PCDHA4: variants seen among roughly 807,000 people sequenced by gnomAD.
The protein encoded by PCDHA4 is protocadherin alpha 4.
Under a neutral mutation model 61.4 loss-of-function variants are expected in PCDHA4, and 49 were observed. That is an observed-to-expected ratio of 0.80 (90% CI 0.63 to 1.01). PCDHA4 has a LOEUF of 1.01. PCDHA4 is among the 50% of genes least tolerant of loss of function. The pLI, the probability that PCDHA4 is intolerant of heterozygous loss-of-function variation, is 0.00. For missense variants in PCDHA4, 1,254 were observed against 1,235.8 expected (o/e 1.01, Z -0.22); for synonymous variants, 590 against 550.3 (o/e 1.07, Z -1.01).
chr5:140,851,517 A>C (rs1290684198), intron 1 of PCDHA4: 5 of 904,746 alleles, frequency 5.5e-6, no homozygotes, highest in Non-Finnish European at 4.0e-6. Flanking sequence ...AATATGTTTT[A>C]AAATGCCTGA....
chr5:141,006,338 A>G (rs1201287903), intron 3 of PCDHA4, among the ~76,000 whole-genome samples: 13 of 151,820 alleles, frequency 8.6e-5, no homozygotes, highest in African/African-American at 3.1e-4. Flanking sequence ...CAGCCTCCTG[A>G]GTAGCTGGGA....
At position 140,886,151 on chromosome 5, in the gene PCDHA4, T is replaced by G. The variant is rs184205776; in HGVS notation, c.2385+76579T>G. Reference sequence around the variant, plus strand: ...ACAACCAGATTCTTGATATCACCTTTTTATAGCCACATCTGCTTCCCTGCC... The same window carrying G: ...ACAACCAGATTCTTGATATCACCTTGTTATAGCCACATCTGCTTCCCTGCC... On this transcript the variant is annotated intron_variant, in intron 1 of 3. Coordinates refer to ENST00000530339, the MANE Select transcript of PCDHA4 (RefSeq NM_018907.4). Among the ~76,000 whole-genome samples, 468 of 152,312 alleles carry G rather than the reference T, an allele frequency of 3.1e-3. 3 individuals are homozygous for G. Among genetic ancestry groups the G allele is most frequent in the Middle Eastern group, 0.014 (4 of 294 alleles).
intron 1 of PCDHA4, among the ~76,000 whole-genome samples, chr5:140,964,203 C>T (rs2095816993): frequency 6.6e-6 from 1 of 152,212 alleles, no homozygotes; most frequent in African/African-American, 2.4e-5. Context: ...TATACCATCT[C>T]TTTAGTACAA....
chr5:140,942,266 T>A (rs2093257794), intron 1 of PCDHA4, among the ~76,000 whole-genome samples: 1 of 152,134 alleles, frequency 6.6e-6, no homozygotes, highest in South Asian at 2.1e-4. Flanking sequence ...TATCTAAAGC[T>A]GGTAATGGTG....
chr5:140,823,827 C>T (rs1554129619), intron 1 of PCDHA4: 4 of 1,613,688 alleles, frequency 2.5e-6, no homozygotes, highest in Non-Finnish European at 2.5e-6. Context: ...CGTCGGCGGG[C>T]GCTGTGGGTC....
At chr5:140,822,156 C>T (rs1767212129) in intron 1 of PCDHA4, 1 of 1,614,134 alleles carries the variant, frequency 6.2e-7, no homozygotes, top group African/African-American at 1.3e-5. Context: ...ACATCAATGA[C>T]AATCCGCCCA....
intron 3 of PCDHA4, among the ~76,000 whole-genome samples, chr5:140,986,392 C>T (rs1331552974): frequency 1.3e-5 from 2 of 152,162 alleles, no homozygotes; most frequent in South Asian, 2.1e-4. Context: ...CATTAAAGGG[C>T]CAGTCGCTCA....
intron 1 of PCDHA4, chr5:140,870,984 G>T (rs1554164960): frequency 3.7e-6 from 6 of 1,613,520 alleles, no homozygotes; most frequent in Non-Finnish European, 8.5e-7. Context: ...GGCTGTACAC[G>T]GGCGAGATAA....
intron 1 of PCDHA4, chr5:140,863,472 T>C: frequency 2.0e-6 from 1 of 490,440 alleles, no homozygotes; most frequent in Non-Finnish European, 4.0e-6. Context: ...CTCTGGAGAG[T>C]CGCCTCCCAA....
chr5:140,894,941 C>T (rs2064738715), intron 1 of PCDHA4, among the ~76,000 whole-genome samples: 1 of 152,272 alleles, frequency 6.6e-6, no homozygotes, highest in East Asian at 1.9e-4. Context: ...CAGCTATTGT[C>T]ATGAAATGAT....
At position 140,858,521 on chromosome 5, in the gene PCDHA4, A is replaced by T. The variant is rs782589492; in HGVS notation, c.2385+48949A>T. 6.3e-6 allele frequency: 9 copies of T among 1,420,880 alleles called. 2 individuals are homozygous for T. The African/African-American group carries it at 1.3e-4, about 20-fold the overall frequency. 88.0% of individuals were successfully genotyped at this position (1,420,880 alleles called of 1,614,324 possible). ...CATTTTCTCAAATATGTATCAGAAT[A>T]TTTCATTTTTGTCTACATTCCATTT... On this transcript the variant is annotated intron_variant, in intron 1 of 3. Transcript: ENST00000530339.
intron 1 of PCDHA4, chr5:140,857,554 G>A (rs782355772): frequency 1.3e-6 from 2 of 1,596,880 alleles, no homozygotes; most frequent in East Asian, 4.5e-5. Flanking sequence ...GCGAGCGCTC[G>A]CTGTCGAGCT....
intron 1 of PCDHA4, among the ~76,000 whole-genome samples, chr5:140,880,055 C>G (rs1024788960): frequency 1.3e-5 from 2 of 152,146 alleles, no homozygotes; most frequent in Admixed American, 6.5e-5. Flanking sequence ...GTGGGCATAA[C>G]TTTTTGGGGA....
At chr5:140,882,806 T>G in intron 1 of PCDHA4, 2 of 1,614,218 alleles carry the variant, frequency 1.2e-6, no homozygotes, top group Non-Finnish European at 1.7e-6. Flanking sequence ...TTATTTCACT[T>G]TGGACGCACA....
intron 1 of PCDHA4, among the ~76,000 whole-genome samples, chr5:140,963,686 G>A (rs181667037): frequency 2.7e-4 from 41 of 152,226 alleles, no homozygotes; most frequent in Middle Eastern, 3.4e-3. Flanking sequence ...GTGTTTATCC[G>A]TGTTTGATAT....
chr5:140,836,986 C>A, intron 1 of PCDHA4: 1 of 355,800 alleles, frequency 2.8e-6, no homozygotes, highest in East Asian at 4.9e-5. Context: ...TGGAGGAGGA[C>A]TTTGCTAACT....
intron 1 of PCDHA4, chr5:140,868,990 G>T: frequency 6.6e-7 from 1 of 1,511,604 alleles, no homozygotes; most frequent in Non-Finnish European, 8.8e-7. Flanking sequence ...GGATGCCACC[G>T]TTTAAGGATC....
chr5:140,877,821 T>C (rs2057358206), intron 1 of PCDHA4: 1 of 1,603,226 alleles, frequency 6.2e-7, no homozygotes, highest in East Asian at 2.2e-5. Flanking sequence ...GAGAAGATTG[T>C]TTAAATCCTC....
At position 140,868,760 on chromosome 5, in the gene PCDHA4, T is replaced by A. The variant is rs554040026; in HGVS notation, c.2385+59188T>A. On this transcript the variant is annotated intron_variant, in intron 1 of 3. Transcript: ENST00000530339. ...AATACAATGCCATTTCCATATATATTTAGTTTCAATATGACTTATAATCTG... is the reference window on the plus strand; with the variant it reads ...AATACAATGCCATTTCCATATATATATAGTTTCAATATGACTTATAATCTG... The A allele has an allele frequency of 3.0e-3, 699 of 232,214 alleles. 6 individuals carry two copies. The highest frequency in any genetic ancestry group is 0.014 in the African/African-American group (640 of 44,274). The allele number at this position is 232,214 out of a possible 1,614,324, so 14.4% of individuals were successfully genotyped here.
Sources: allele counts gnomAD v4.1 joint callset (sites outside exome capture counted in the v4.1 genomes callset), GRCh38; gene constraint gnomAD v4.1.1; transcripts MANE v1.5; gene names NCBI Gene and HGNC (gene_info 2026-07-23, HGNC 2026-07-21).